Variants in GSE1 observed in about 807,000 individuals in gnomAD.
GSE1 encodes Gse1 coiled-coil protein, also known as genetic suppressor element 1.
A neutral mutation model predicts 112.6 loss-of-function variants in GSE1; 32 were observed. The ratio of observed to expected loss-of-function variants is 0.28; its 90% confidence interval spans 0.21 to 0.38. GSE1 has a LOEUF of 0.38. Ranked by LOEUF, GSE1 falls within the 10% of genes least tolerant of loss-of-function variation. The pLI is 1.00. For synonymous variants in GSE1, 1,115 were observed against 735.6 expected (o/e 1.52, Z -8.35); for missense variants, 2,348 against 1,699.2 (o/e 1.38, Z -6.71).
At position 85,169,742 on chromosome 16, in the gene GSE1, G is replaced by GC; in HGVS notation, c.219dup (p.Ala74ArgfsTer180). On this transcript the variant is annotated frameshift_variant, in exon 1 of 3. Coordinates refer to the GSE1 transcript ENST00000637419. LOFTEE classifies it high-confidence loss of function. ...CTGCAGCAGCAGGAGCCGGCGCCCGGCGCGCGCGAGCTGTCCCCGGCCGAC... is the reference window on the plus strand; with the variant it reads ...CTGCAGCAGCAGGAGCCGGCGCCCGGCCGCGCGCGAGCTGTCCCCGGCCGAC... 1 of 984,012 alleles carries GC rather than the reference G, an allele frequency of 1.0e-6. No homozygotes were observed. The allele number at this position is 984,012 out of a possible 1,614,324, so 61.0% of individuals were successfully genotyped here.
In GSE1 at chr16:85,311,865, C is replaced by T. The variant is rs2045857526; in HGVS notation, c.2284-45598C>T. On this transcript the variant is annotated intron_variant, in intron 1 of 2. Transcript: ENST00000637419. The surrounding 1 kb of genome is among the most constrained non-coding windows in gnomAD (Gnocchi z 4.2). ...GCCGCGAGTCCTTCTCACCCCAGAC[C>T]CCAGCGTCTGTGTTTCATGAGGGTT... 6.6e-6 allele frequency among the ~76,000 whole-genome samples: 1 copy of T among 152,194 alleles called. No individual in the cohort carries two copies. The highest frequency in any genetic ancestry group is 2.1e-4 in the South Asian group (1 of 4,832).
In GSE1 at chr16:85,441,563, C is replaced by T. The variant is rs544164540; in HGVS notation, c.2464+83920C>T. On this transcript the variant is annotated intron_variant, in intron 2 of 2. Transcript: ENST00000637419. ...CCAGCTACTCAGGAGGCTGAAATCG[C>T]TTCAACCTGGGAGGCAGAGGTTGCA... Among the ~76,000 whole-genome samples, 25 of 152,324 alleles carry T rather than the reference C, an allele frequency of 1.6e-4. No individual in the cohort carries two copies. The South Asian group carries it at 5.0e-3, about 30-fold the overall frequency.
At chr16:85,363,338 G>C (rs186217800) in intron 2 of GSE1, among the ~76,000 whole-genome samples, 7 of 152,306 alleles carry the variant, frequency 4.6e-5, no homozygotes, top group Middle Eastern at 3.4e-3. Flanking sequence ...CAGTCTATGG[G>C]TTCCTTCTGC....
intron 1 of GSE1, among the ~76,000 whole-genome samples, chr16:85,354,018 G>C (rs1415176648): frequency 6.6e-6 from 1 of 152,218 alleles, no homozygotes; most frequent in African/African-American, 2.4e-5. Flanking sequence ...CCCACACCTG[G>C]AATGCTGTCC....
rs756231554 is a variant in GSE1, at chr16:85,663,493, G to A, written c.2523G>A (p.Pro841=). The A allele has an allele frequency of 8.7e-5, 140 of 1,613,802 alleles. 1 individual carries two copies. The highest frequency in any genetic ancestry group is 1.6e-4 in the Middle Eastern group (1 of 6,084). The change falls in exon 11 of 16, where the codon CCG becomes CCA. Residue 841 remains proline, a synonymous_variant. Transcript: ENST00000253458. ...AGAGCAAGCGGCAGACGCCTTCACC[G>A]AGACTGGCGCTGTCTACCCGCTACA... The part of the protein sequence containing the change: ...TIQSKRQTPS[P]RLALSTRYSP...
chr16:85,276,289 T>C (rs1328021209), intron 1 of GSE1, among the ~76,000 whole-genome samples: 1 of 152,166 alleles, frequency 6.6e-6, no homozygotes, highest in Non-Finnish European at 1.5e-5. Flanking sequence ...TCCCCGCTTG[T>C]TACAACGGGT....
chr16:85,222,170 G>A (rs761173827), intron 1 of GSE1, among the ~76,000 whole-genome samples: 3 of 152,202 alleles, frequency 2.0e-5, no homozygotes, highest in Non-Finnish European at 4.4e-5. Context: ...CTGTGGCTCT[G>A]GTGGAGCAGC....
intron 2 of GSE1, among the ~76,000 whole-genome samples, chr16:85,479,060 C>T (rs1349460923): frequency 3.6e-5 from 5 of 138,626 alleles, no homozygotes; most frequent in East Asian, 2.5e-4. Context: ...CTCGCTCTGT[C>T]GCCCAGGCTG....
At chr16:85,619,008 A>G (rs2048555879) in intron 1 of GSE1, among the ~76,000 whole-genome samples, 1 of 152,246 alleles carries the variant, frequency 6.6e-6, no homozygotes, top group Admixed American at 6.5e-5. Context: ...CCCTACGCTC[A>G]ACTGACTCCC....
intron 2 of GSE1, among the ~76,000 whole-genome samples, chr16:85,403,733 T>G (rs2048174331): frequency 6.6e-6 from 1 of 151,988 alleles, no homozygotes; most frequent in African/African-American, 2.4e-5. Flanking sequence ...GCCCAGGAGG[T>G]TGAGGCTGCA....
intron 2 of GSE1, among the ~76,000 whole-genome samples, chr16:85,454,174 G>A (rs2049760788): frequency 6.6e-6 from 1 of 152,240 alleles, no homozygotes; most frequent in African/African-American, 2.4e-5. Flanking sequence ...TTAAGGACTG[G>A]CAGCGTGCAG....
At chr16:85,547,742 G>A (rs1458068662) in intron 2 of GSE1, among the ~76,000 whole-genome samples, 8 of 151,884 alleles carry the variant, frequency 5.3e-5, no homozygotes, top group African/African-American at 1.5e-4. Context: ...TTAGCCAGGC[G>A]TGGTGGCATG....
chr16:85,463,825 G>T (rs1597830967), intron 2 of GSE1, among the ~76,000 whole-genome samples: 1 of 152,178 alleles, frequency 6.6e-6, no homozygotes, highest in Non-Finnish European at 1.5e-5. Context: ...GAGGCCTGGG[G>T]CAGTGCCACA....
chr16:85,485,170 T>G (rs2050793436), intron 2 of GSE1, among the ~76,000 whole-genome samples: 1 of 152,060 alleles, frequency 6.6e-6, no homozygotes, highest in Non-Finnish European at 1.5e-5. Flanking sequence ...CCACCACACC[T>G]CCCAAGGAAG....
rs1006753742 is a variant in GSE1, at chr16:85,246,503, C to A, written c.2283+74696C>A. Among the ~76,000 whole-genome samples the A allele has an allele frequency of 1.4e-4, 12 of 84,390 alleles. 2 individuals carry two copies. The highest frequency in any genetic ancestry group is 9.1e-4 in the South Asian group (2 of 2,190). The allele number at this position is 84,390 out of a possible 152,430, so 55.4% of individuals were successfully genotyped here. ...CACACACACACACACTCTACACACC[C>A]CCCCCCCCCCGACGCTGTCTGCAGG... On this transcript the variant is annotated intron_variant, in intron 1 of 2. Coordinates refer to the GSE1 transcript ENST00000637419.
At chr16:85,367,438 C>G (rs938310243) in intron 2 of GSE1, among the ~76,000 whole-genome samples, 1 of 152,186 alleles carries the variant, frequency 6.6e-6, no homozygotes, top group Non-Finnish European at 1.5e-5. Context: ...ACCCCTGCCC[C>G]GAGAGCAGAT....
rs572541598 is a variant in GSE1 at position 85,407,853 on chromosome 16, C to T, written c.2464+50210C>T. On this transcript the variant is annotated intron_variant, in intron 2 of 2. Transcript: ENST00000637419. Reference sequence around the variant, plus strand: ...CAGGACCCCCCTGGACAATCCTCACCGTTACACTCAGGCCCCCCGGATAAT... The same window carrying T: ...CAGGACCCCCCTGGACAATCCTCACTGTTACACTCAGGCCCCCCGGATAAT... Among the ~76,000 whole-genome samples the T allele has an allele frequency of 6.8e-4, 9 of 13,264 alleles. 1 individual carries two copies. In the East Asian group the frequency reaches 0.013, roughly 19 times the overall value. 8.7% of individuals were successfully genotyped at this position (13,264 alleles called of 152,430 possible).
chr16:85,478,844 TTTCTTTCTTTC>T, intron 2 of GSE1, among the ~76,000 whole-genome samples: 1 of 3,730 alleles, frequency 2.7e-4, no homozygotes, highest in South Asian at 9.1e-3. Context: ...ATTTATTTTC[TTTCTTTCTTTC>T]TTTCTTTCTT....
intron 2 of GSE1, among the ~76,000 whole-genome samples, chr16:85,487,531 T>A (rs2050880083): frequency 6.6e-6 from 1 of 152,222 alleles, no homozygotes; most frequent in Non-Finnish European, 1.5e-5. Context: ...CCCTTATTTC[T>A]ATCTGTGTTA....
Sources: gnomAD v4.1 joint callset for allele counts (sites outside exome capture counted in the v4.1 genomes callset) on GRCh38, gnomAD v4.1.1 for gene constraint, Gnocchi (gnomAD v3.1) non-coding constraint, MANE v1.5 for transcripts, NCBI Gene and HGNC (gene_info 2026-07-23, HGNC 2026-07-21) for gene names.